NEK1: variants seen among roughly 807,000 people sequenced by gnomAD.
NEK1 encodes NIMA related kinase 1, also known as serine/threonine-protein kinase Nek1.
A neutral mutation model predicts 182.1 loss-of-function variants in NEK1; 137 were observed. The ratio of observed to expected loss-of-function variants is 0.75; its 90% CI spans 0.65 to 0.87. The LOEUF is 0.87. Among genes scored for constraint, NEK1 ranks in the 40% least tolerant of loss-of-function variants. The pLI is 0.00. For missense variants in NEK1, 1,391 were observed against 1,494.4 expected, an observed-to-expected ratio of 0.93 and a Z score of 1.14; for synonymous variants, 513 against 492.2, an observed-to-expected ratio of 1.04 and a Z score of -0.56.
At chr4:169,544,938 GATTC>G (rs1318678905) in intron 18 of NEK1, among the ~76,000 whole-genome samples, 3 of 151,004 alleles carry the variant, frequency 2.0e-5, no homozygotes, top group Non-Finnish European at 1.5e-5. Context: ...CCAGCTCCTG[GATTC>G]ATTGATTTTT....
intron 19 of NEK1, among the ~76,000 whole-genome samples, chr4:169,523,364 T>C (rs1364670160): frequency 6.6e-6 from 1 of 152,192 alleles, no homozygotes; most frequent in Non-Finnish European, 1.5e-5. Context: ...GAATAGGTCC[T>C]AATTCAGTAG....
At chr4:169,538,229 A>G (rs1191626341) in intron 18 of NEK1, among the ~76,000 whole-genome samples, 1 of 152,174 alleles carries the variant, frequency 6.6e-6, no homozygotes, top group Non-Finnish European at 1.5e-5. Context: ...GAAGAATCTG[A>G]GAAGTTTCCA....
Position 169,479,652 on chromosome 4 carries a change from T to C in NEK1, c.2008-118A>G, listed in dbSNP as rs1747627828. ...ATCCACAAGTAGTTTTTTTCATTCC[T>C]GAATTATCTGTTGAGCAAGGCATTA... On this transcript the variant is annotated intron_variant, in intron 23 of 35. Coordinates refer to ENST00000507142, the MANE Select transcript of NEK1 (RefSeq NM_001199397.3). 3.8e-6 allele frequency: 3 copies of C among 797,108 alleles called. No homozygotes were observed. The Admixed American group carries it at 9.4e-5, about 25-fold the overall frequency. 49.4% of individuals were successfully genotyped at this position (797,108 alleles called of 1,614,324 possible). A position where few individuals can be genotyped will look rare whatever the true frequency, so the allele number is the denominator to read the frequency against.
chr4:169,442,763 A>C (rs1171056341), intron 27 of NEK1, among the ~76,000 whole-genome samples: 1 of 152,234 alleles, frequency 6.6e-6, no homozygotes, highest in Non-Finnish European at 1.5e-5. Context: ...GCCAGATGCT[A>C]TGACTCACAA....
chr4:169,605,358 A>G (rs1489107323), intron 2 of NEK1, among the ~76,000 whole-genome samples: 2 of 152,216 alleles, frequency 1.3e-5, no homozygotes, highest in African/African-American at 4.8e-5. Flanking sequence ...ATTGCCATCA[A>G]ATATGTCAAA....
At chr4:169,406,872 TTATATATGTAACA>T (rs1210400936) in intron 31 of NEK1, 125 bp from the exon 32 acceptor site, 56 of 532,382 alleles carry the variant, frequency 1.1e-4, no homozygotes, top group Middle Eastern at 5.4e-4. Context: ...AAAAGTTTTT[TTATATATGTAACA>T]TATATATGTA....
intron 27 of NEK1, among the ~76,000 whole-genome samples, chr4:169,453,977 C>T (rs1209190278): frequency 6.6e-6 from 1 of 152,172 alleles, no homozygotes; most frequent in Non-Finnish European, 1.5e-5. Flanking sequence ...GGTACCAAAA[C>T]AGATACATAG....
rs553890434 is a variant in NEK1 at position 169,571,049 on chromosome 4, T to C, written c.1020+5879A>G. 3.5e-3 allele frequency among the ~76,000 whole-genome samples: 538 copies of C among 151,652 alleles called. 2 individuals are homozygous for C. The highest frequency in any genetic ancestry group is 0.021 in the South Asian group (100 of 4,780). On this transcript the variant is annotated intron_variant, in intron 12 of 35. Transcript: ENST00000507142. Reference sequence around the variant, plus strand: ...CAGGGACACAAACACTGCGGAAGGCTGCAGGGTCCTCTGCCTAGGAAAACC... The same window carrying C: ...CAGGGACACAAACACTGCGGAAGGCCGCAGGGTCCTCTGCCTAGGAAAACC...
At chr4:169,560,450 T>C (rs938186030) in intron 16 of NEK1, among the ~76,000 whole-genome samples, 4 of 152,176 alleles carry the variant, frequency 2.6e-5, no homozygotes, top group African/African-American at 4.8e-5. Context: ...CAGTCAGCTA[T>C]GAAGGAGTCT....
intron 28 of NEK1, among the ~76,000 whole-genome samples, 178 bp downstream of exon 28, chr4:169,437,905 G>T (rs536915260): frequency 2.6e-5 from 4 of 152,092 alleles, no homozygotes; most frequent in Non-Finnish European, 5.9e-5. Flanking sequence ...CTAAGTTTTG[G>T]GGTGACTTGT....
chr4:169,537,894 G>A lies in NEK1; in HGVS notation c.1580C>T (p.Ala527Val). The change falls in exon 19 of 36, where the codon GCT becomes GTT. Residue 527 changes from alanine to valine, a missense_variant. Around this residue, in one of 5 missense-constraint regions of NEK1, gnomAD observed 1,216 missense variants for 1,277.6 expected, o/e 0.95. Coordinates refer to ENST00000507142, the MANE Select transcript of NEK1 (RefSeq NM_001199397.3). Reference sequence around the variant, plus strand: ...TTCTACTTGTTTAGCTCTTTCTACAGCTAGCTGCCCTTTTTGCCTAATTTG... The same window carrying A: ...TTCTACTTGTTTAGCTCTTTCTACAACTAGCTGCCCTTTTTGCCTAATTTG... Reference protein sequence around the residue: ...ANANRQKGQLAVERAKQVEEF... With the variant: ...ANANRQKGQLVVERAKQVEEF... 6.2e-7 allele frequency: 1 copy of A among 1,602,426 alleles called. No individual in the cohort carries two copies. Among genetic ancestry groups the A allele is most frequent in the African/African-American group, 1.3e-5 (1 of 74,648 alleles).
intron 23 of NEK1, among the ~76,000 whole-genome samples, chr4:169,500,376 G>A (rs965236427): frequency 5.9e-5 from 9 of 152,162 alleles, no homozygotes; most frequent in African/African-American, 1.9e-4. Flanking sequence ...GCCCTGCTTC[G>A]GTTCATGCTC....
chr4:169,549,518 G>A (rs1761091935), intron 18 of NEK1, among the ~76,000 whole-genome samples: 2 of 152,128 alleles, frequency 1.3e-5, no homozygotes, highest in South Asian at 4.1e-4. Flanking sequence ...TGCCTCCTGG[G>A]TTCAAGCAAT....
chr4:169,558,238 C>T (rs1395725073), intron 16 of NEK1, among the ~76,000 whole-genome samples: 1 of 152,184 alleles, frequency 6.6e-6, no homozygotes, highest in African/African-American at 2.4e-5. Flanking sequence ...GATGCTCATA[C>T]TCAAAATAAT....
intron 18 of NEK1, among the ~76,000 whole-genome samples, chr4:169,545,524 T>A (rs1191514965): frequency 6.7e-6 from 1 of 149,952 alleles, no homozygotes; most frequent in Admixed American, 6.7e-5. Flanking sequence ...TGTGCATGTG[T>A]CTTTATAGCA....
chr4:169,521,448 G>T (rs1756019603), intron 19 of NEK1, among the ~76,000 whole-genome samples: 1 of 150,860 alleles, frequency 6.6e-6, no homozygotes, highest in Admixed American at 6.6e-5. Flanking sequence ...AGATGGAAAT[G>T]CAGAAATCAC....
intron 27 of NEK1, among the ~76,000 whole-genome samples, chr4:169,444,584 G>A (rs1209426089): frequency 6.6e-6 from 1 of 152,126 alleles, no homozygotes; most frequent in Admixed American, 6.6e-5. Flanking sequence ...AAATAGATGT[G>A]CACTCAACAG....
At chr4:169,405,295 T>C (rs1474569641) in intron 32 of NEK1, among the ~76,000 whole-genome samples, 1 of 152,190 alleles carries the variant, frequency 6.6e-6, no homozygotes, top group Non-Finnish European at 1.5e-5. Context: ...TACTCAGTAC[T>C]GGAAGCAACT....
chr4:169,608,588 A>G (rs1043057687), intron 2 of NEK1, among the ~76,000 whole-genome samples: 5 of 152,260 alleles, frequency 3.3e-5, no homozygotes, highest in Non-Finnish European at 7.3e-5. Flanking sequence ...CCAATATTTT[A>G]GCTATTACAA....
Sources: allele counts gnomAD v4.1 joint callset (sites outside exome capture counted in the v4.1 genomes callset), GRCh38; gene constraint gnomAD v4.1.1; regional missense constraint gnomAD v4.1.1; transcripts MANE v1.5; gene names NCBI Gene and HGNC (gene_info 2026-07-23, HGNC 2026-07-21).